The following AGAP1 variants were observed in gnomAD, a reference collection of about 807,000 sequenced individuals.
The protein encoded by AGAP1 is arf-GAP with GTPase, ANK repeat and PH domain-containing protein 1.
In AGAP1, 29 loss-of-function variants were observed where a neutral mutation model predicts 105.3. That is an observed-to-expected ratio of 0.28 (90% CI 0.21 to 0.38). The LOEUF is 0.38. AGAP1 is among the 10% of genes least tolerant of loss of function. The pLI, the probability that AGAP1 is intolerant of heterozygous loss-of-function variation, is 1.00. For synonymous variants in AGAP1, 509 were observed against 485.9 expected (o/e 1.05, Z -0.63); for missense variants, 998 against 1,165.1 (o/e 0.86, Z 2.09).
At chr2:236,075,322 C>G (rs1410044987) in intron 16 of AGAP1, among the ~76,000 whole-genome samples, 1 of 151,926 alleles carries the variant, frequency 6.6e-6, no homozygotes, top group Non-Finnish European at 1.5e-5. Flanking sequence ...TAAATTATAC[C>G]TTAATACAGC....
At position 235,574,033 on chromosome 2, in the gene AGAP1, A is replaced by C. The variant is rs1481963276; in HGVS notation, c.163+79184A>C. ...AGCCCACTGGCTTCACCAGACCCTG[A>C]CTGTTAGCTGGTCAGGGAGGCAGGG... On this transcript the variant is annotated intron_variant, in intron 1 of 17. Transcript: ENST00000304032. This position sits in a 1 kb window ranked among gnomAD's most constrained non-coding sequence, Gnocchi z 5.0. 6.6e-6 allele frequency among the ~76,000 whole-genome samples: 1 copy of C among 152,104 alleles called. No homozygotes were observed. The highest frequency in any genetic ancestry group is 1.5e-5 in the Non-Finnish European group (1 of 68,012).
In AGAP1 at chr2:235,777,013, C is replaced by T. The variant is rs755908664; in HGVS notation, c.674-20746C>T. Reference sequence around the variant, plus strand: ...TTCCCAGCACGTTTTATCATGTGAGCGTCTGCTCTTGAGAGGCCAGGCTGG... The same window carrying T: ...TTCCCAGCACGTTTTATCATGTGAGTGTCTGCTCTTGAGAGGCCAGGCTGG... On this transcript the variant is annotated intron_variant, in intron 6 of 17. Coordinates refer to ENST00000304032, the MANE Select transcript of AGAP1 (RefSeq NM_001037131.3). This position sits in a 1 kb window ranked among gnomAD's most constrained non-coding sequence, Gnocchi z 5.1. 29 of 471,042 alleles carry T rather than the reference C, an allele frequency of 6.2e-5. No homozygotes were observed. The highest frequency in any genetic ancestry group is 4.0e-4 in the South Asian group (26 of 64,580). The allele number at this position is 471,042 out of a possible 1,614,324, so 29.2% of individuals were successfully genotyped here. A position where few individuals can be genotyped will look rare whatever the true frequency, so the allele number is the denominator to read the frequency against.
intron 9 of AGAP1, among the ~76,000 whole-genome samples, chr2:235,871,195 G>A (rs945006396): frequency 6.6e-6 from 1 of 152,210 alleles, no homozygotes; most frequent in Non-Finnish European, 1.5e-5. Context: ...AGGGTTTTCT[G>A]CTGTCAGGAG....
At chr2:235,617,574 C>T (rs1196518187) in intron 1 of AGAP1, among the ~76,000 whole-genome samples, 1 of 152,096 alleles carries the variant, frequency 6.6e-6, no homozygotes, top group Non-Finnish European at 1.5e-5. Flanking sequence ...TGTTGGTGGG[C>T]ACCTGTAATC....
At position 236,120,041 on chromosome 2, in the gene AGAP1, G is replaced by A. The variant is rs903721062; in HGVS notation, c.2115-151G>A. On this transcript the variant is annotated intron_variant, in intron 16 of 17. Coordinates refer to ENST00000304032, the MANE Select transcript of AGAP1 (RefSeq NM_001037131.3). The surrounding 1 kb of genome is among the most constrained non-coding windows in gnomAD (Gnocchi z 6.0). ...TACTGTTTTGTGAAGGTGGATAAAC[G>A]TTTCCCCCAGGGGGCTTTGTGCCGA... is the stretch of plus-strand genomic sequence containing the variant. The A allele has an allele frequency of 4.2e-5, 47 of 1,115,636 alleles. No individual in the cohort carries two copies. Among genetic ancestry groups the A allele is most frequent in the Non-Finnish European group, 5.6e-5 (44 of 789,178 alleles). The allele number at this position is 1,115,636 out of a possible 1,614,324, so 69.1% of individuals were successfully genotyped here.
At chr2:235,759,440 A>G (rs560155897) in intron 6 of AGAP1, among the ~76,000 whole-genome samples, 39 of 152,306 alleles carry the variant, frequency 2.6e-4, no homozygotes, top group Non-Finnish European at 2.6e-4. Context: ...AAGTGCTGGG[A>G]TTACAGGCGT....
Position 235,690,785 on chromosome 2 carries a change from G to C in AGAP1, c.164-18394G>C, listed in dbSNP as rs561048596. ...GCTTTTACGGTTATCTTCGGGTAAA[G>C]TCATTGTGTTTCTTCTTGATTTATT... On this transcript the variant is annotated intron_variant, in intron 1 of 17. Coordinates refer to ENST00000304032, the MANE Select transcript of AGAP1 (RefSeq NM_001037131.3). The surrounding 1 kb of genome is among the most constrained non-coding windows in gnomAD (Gnocchi z 4.1). Among the ~76,000 whole-genome samples the C allele has an allele frequency of 3.3e-5, 5 of 152,282 alleles. No homozygotes were observed. The East Asian group carries it at 9.7e-4, about 29-fold the overall frequency.
Position 235,724,329 on chromosome 2 carries a change from A to G in AGAP1, c.310+6685A>G, listed in dbSNP as rs1951542774. 6.6e-6 allele frequency among the ~76,000 whole-genome samples: 1 copy of G among 152,148 alleles called. No homozygotes were observed. Among genetic ancestry groups the G allele is most frequent in the African/African-American group, 2.4e-5 (1 of 41,448 alleles). On this transcript the variant is annotated intron_variant, in intron 3 of 17. Coordinates refer to ENST00000304032, the MANE Select transcript of AGAP1 (RefSeq NM_001037131.3). This position sits in a 1 kb window ranked among gnomAD's most constrained non-coding sequence, Gnocchi z 4.9. ...CCCAGAAGGGCGACCCTCCAGCCCCATGTCCAGGCTCTCCCATCTTCCCAG... is the reference window on the plus strand; with the variant it reads ...CCCAGAAGGGCGACCCTCCAGCCCCGTGTCCAGGCTCTCCCATCTTCCCAG...
chr2:235,840,772 T>G (rs1278826131), intron 9 of AGAP1, among the ~76,000 whole-genome samples: 3 of 151,124 alleles, frequency 2.0e-5, no homozygotes, highest in Non-Finnish European at 3.0e-5. Flanking sequence ...AGAAGAGTTT[T>G]TTTTTTTTTT....
chr2:235,832,436 A>G (rs1959535340), intron 9 of AGAP1, among the ~76,000 whole-genome samples: 1 of 152,234 alleles, frequency 6.6e-6, no homozygotes, highest in South Asian at 2.1e-4. Context: ...CTACACTGTG[A>G]AACCTTCTGA....
intron 12 of AGAP1, among the ~76,000 whole-genome samples, chr2:235,937,686 G>A (rs1002710112): frequency 6.6e-5 from 10 of 152,210 alleles, no homozygotes; most frequent in Non-Finnish European, 1.3e-4. Context: ...TATTCCAGGG[G>A]CTCGCAGCCA....
chr2:236,101,702 T>C lies in AGAP1; in HGVS notation c.2115-18490T>C, dbSNP rs926387783. On this transcript the variant is annotated intron_variant, in intron 16 of 17. Transcript: ENST00000304032. The surrounding 1 kb of genome is among the most constrained non-coding windows in gnomAD (Gnocchi z 4.9). The stretch of plus-strand genomic sequence containing the variant: ...CCAAAGCCGATCACATCAGCCGCTG[T>C]TATGGTGAACGGAATTCACTGTGAT... 1.3e-5 allele frequency among the ~76,000 whole-genome samples: 2 copies of C among 152,204 alleles called. No individual in the cohort carries two copies. Among genetic ancestry groups the C allele is most frequent in the African/African-American group, 4.8e-5 (2 of 41,460 alleles).
intron 1 of AGAP1, among the ~76,000 whole-genome samples, chr2:235,558,468 C>T (rs1047836428): frequency 6.6e-6 from 1 of 152,054 alleles, no homozygotes; most frequent in Non-Finnish European, 1.5e-5. Context: ...CCTCTCAAGC[C>T]CTTGAAAATA....
rs1476116036 is a variant in AGAP1, at chr2:235,553,751, G to A, written c.163+58902G>A. On this transcript the variant is annotated intron_variant, in intron 1 of 17. Coordinates refer to ENST00000304032, the MANE Select transcript of AGAP1 (RefSeq NM_001037131.3). The surrounding 1 kb of genome is among the most constrained non-coding windows in gnomAD (Gnocchi z 4.5). Reference sequence around the variant, plus strand: ...TGAGGGTGGGGTGCAGGAGAGGAGCGTTCAGGGCACCTCTGAGCACATGTG... The same window carrying A: ...TGAGGGTGGGGTGCAGGAGAGGAGCATTCAGGGCACCTCTGAGCACATGTG... Among the ~76,000 whole-genome samples the A allele has an allele frequency of 1.3e-5, 2 of 152,146 alleles. No individual in the cohort carries two copies. The highest frequency in any genetic ancestry group is 2.4e-5 in the African/African-American group (1 of 41,508).
At chr2:235,496,075 A>T (rs1941308092) in intron 1 of AGAP1, among the ~76,000 whole-genome samples, 1 of 152,176 alleles carries the variant, frequency 6.6e-6, no homozygotes, top group South Asian at 2.1e-4. Flanking sequence ...TGAACTACTA[A>T]CCCCGAAGTG....
At position 236,061,716 on chromosome 2, in the gene AGAP1, T is replaced by C. The variant is rs1177572607; in HGVS notation, c.2114+12435T>C. Among the ~76,000 whole-genome samples, 1 of 151,762 alleles carries C rather than the reference T, an allele frequency of 6.6e-6. No individual in the cohort carries two copies. Among genetic ancestry groups the C allele is most frequent in the Non-Finnish European group, 1.5e-5 (1 of 67,960 alleles). On this transcript the variant is annotated intron_variant, in intron 16 of 17. Transcript: ENST00000304032. The surrounding 1 kb of genome is among the most constrained non-coding windows in gnomAD (Gnocchi z 4.1). ...CAGGGGAGGGAGGGGCAGTGGCGTA[T>C]ACGGAGTGATTGCCTAATGAGTACG...
intron 16 of AGAP1, among the ~76,000 whole-genome samples, chr2:236,067,880 C>T (rs1036081073): frequency 5.9e-5 from 9 of 152,204 alleles, no homozygotes; most frequent in African/African-American, 1.7e-4. Flanking sequence ...TCATAGCCAC[C>T]GGGCTGTCAG....
Position 235,555,983 on chromosome 2 carries a change from G to A in AGAP1, c.163+61134G>A, listed in dbSNP as rs1456994662. On this transcript the variant is annotated intron_variant, in intron 1 of 17. Transcript: ENST00000304032. The surrounding 1 kb of genome is among the most constrained non-coding windows in gnomAD (Gnocchi z 5.1). The stretch of plus-strand genomic sequence containing the variant: ...TAGACCTCAAAAACAAAGCGATGTA[G>A]ACCTATCTGCTGTGTCCTTGTGTTT... 1.3e-5 allele frequency among the ~76,000 whole-genome samples: 2 copies of A among 152,202 alleles called. No homozygotes were observed. The highest frequency in any genetic ancestry group is 4.8e-5 in the African/African-American group (2 of 41,448).
In AGAP1 at chr2:235,867,732, G is replaced by C. The variant is rs1472745835; in HGVS notation, c.1051-15613G>C. The stretch of plus-strand genomic sequence containing the variant: ...ATGACTAAGTGTTCGTTACGGAAAA[G>C]TGGGATGTCAGGGGAGCCTCAGCAG... On this transcript the variant is annotated intron_variant, in intron 9 of 17. Coordinates refer to ENST00000304032, the MANE Select transcript of AGAP1 (RefSeq NM_001037131.3). This position sits in a 1 kb window ranked among gnomAD's most constrained non-coding sequence, Gnocchi z 5.4. Among the ~76,000 whole-genome samples the C allele has an allele frequency of 1.3e-5, 2 of 152,166 alleles. No homozygotes were observed. The highest frequency in any genetic ancestry group is 2.9e-5 in the Non-Finnish European group (2 of 68,038).
Sources: allele counts gnomAD v4.1 joint callset (sites outside exome capture counted in the v4.1 genomes callset), GRCh38; gene constraint gnomAD v4.1.1; non-coding constraint Gnocchi (gnomAD v3.1); transcripts MANE v1.5; gene names NCBI Gene and HGNC (gene_info 2026-07-23, HGNC 2026-07-21).